CC2D2A: variants seen among roughly 807,000 people sequenced by gnomAD.
The protein encoded by CC2D2A is coiled-coil and C2 domain-containing protein 2A.
Under a neutral mutation model 212.9 loss-of-function variants are expected in CC2D2A, and 155 were observed. The ratio of observed to expected loss-of-function variants is 0.73; its 90% CI spans 0.64 to 0.83. The LOEUF (loss-of-function observed/expected upper bound fraction) is 0.83, where lower values mean the gene tolerates loss of function less well. CC2D2A is among the 40% of genes least tolerant of loss of function. The pLI, the probability that CC2D2A is intolerant of heterozygous loss-of-function variation, is 0.00. For synonymous variants in CC2D2A, 667 were observed against 686.5 expected, an observed-to-expected ratio of 0.97 and a Z score of 0.44; for missense variants, 1,856 against 1,956.2, an observed-to-expected ratio of 0.95 and a Z score of 0.97.
chr4:15,562,946 G>T (rs1468453930), intron 23 of CC2D2A, among the ~76,000 whole-genome samples: 1 of 152,218 alleles, frequency 6.6e-6, no homozygotes, highest in Non-Finnish European at 1.5e-5. Flanking sequence ...GGGGGAGGTG[G>T]ACACTGGCCC....
intron 24 of CC2D2A, among the ~76,000 whole-genome samples, 171 bp from the exon 25 acceptor site, chr4:15,567,206 T>G (rs1719921989): frequency 6.6e-6 from 1 of 151,956 alleles, no homozygotes; most frequent in African/African-American, 2.4e-5. Context: ...TCACCTGAGC[T>G]TGGGAGACAG....
intron 13 of CC2D2A, among the ~76,000 whole-genome samples, chr4:15,530,226 C>T (rs1717774139): frequency 6.6e-6 from 1 of 152,174 alleles, no homozygotes. Flanking sequence ...CCGCCTTGGC[C>T]TCCCAAAGTG....
At position 15,599,709 on chromosome 4, in the gene CC2D2A, A is replaced by T. The variant is rs754534791; in HGVS notation, c.4674+3A>T. On this transcript the variant is annotated splice_donor_region_variant and intron_variant, in intron 36 of 36. Coordinates refer to ENST00000424120, the MANE Select transcript of CC2D2A (RefSeq NM_001378615.1). ...TAAAACAGCTGGGAGACTACAGGGT[A>T]AGTTACAAATGGATCCTAAACTGAC... 2.5e-6 allele frequency: 4 copies of T among 1,598,442 alleles called. No homozygotes were observed. The highest frequency in any genetic ancestry group is 3.4e-6 in the Non-Finnish European group (4 of 1,168,594).
rs73119752 is a variant in CC2D2A, at chr4:15,525,865, T to C, written c.1150-1582T>C. On this transcript the variant is annotated intron_variant, in intron 11 of 36. Transcript: ENST00000424120. ...GTCCTGGAAGCTTTTTATACTTGGTTGGGCTAAGCAAAAAGCAGAGACCAC... is the reference window on the plus strand; with the variant it reads ...GTCCTGGAAGCTTTTTATACTTGGTCGGGCTAAGCAAAAAGCAGAGACCAC... 8.3e-3 allele frequency among the ~76,000 whole-genome samples: 1,269 copies of C among 152,306 alleles called. 8 individuals are homozygous for C. The highest frequency in any genetic ancestry group is 0.027 in the Middle Eastern group (8 of 294).
At chr4:15,584,789 A>G (rs1720792670) in intron 30 of CC2D2A, among the ~76,000 whole-genome samples, 1 of 152,240 alleles carries the variant, frequency 6.6e-6, no homozygotes, top group Admixed American at 6.5e-5. Flanking sequence ...AGGAACTCAA[A>G]CAACTCAATA....
chr4:15,586,319 A>C, intron 31 of CC2D2A, 73 bp downstream of exon 31: 1 of 890,598 alleles, frequency 1.1e-6, no homozygotes, highest in Non-Finnish European at 1.6e-6. Context: ...GACTTGCATA[A>C]TTTTAAATTG....
Position 15,557,339 on chromosome 4 carries a change from C to A in CC2D2A, c.2661C>A (p.Phe887Leu), listed in dbSNP as rs1461261346. 1 of 1,613,386 alleles carries A rather than the reference C, an allele frequency of 6.2e-7. No individual in the cohort carries two copies. The highest frequency in any genetic ancestry group is 2.2e-5 in the East Asian group (1 of 44,850). Residue 887 changes from phenylalanine to leucine, a missense_variant, in exon 21 of 37, where the codon TTC becomes TTA. Phe to Leu is a conservative substitution (Grantham distance 22). Transcript: ENST00000424120. ...ATSGESYVPD[F>L]FRLEQLQQEF... ...GTGGTGAATCCTATGTCCCTGATTT[C>A]TTTAGACTGGAGCAGCTGCAACAGG...
intron 23 of CC2D2A, 115 bp from the exon 24 acceptor site, chr4:15,563,240 C>T: frequency 1.0e-6 from 1 of 970,824 alleles, no homozygotes; most frequent in Non-Finnish European, 1.5e-6. Flanking sequence ...CTTCAAAGGA[C>T]AAGGAGTTTT....
intron 11 of CC2D2A, among the ~76,000 whole-genome samples, chr4:15,522,954 C>T (rs1717296219): frequency 6.9e-6 from 1 of 145,844 alleles, no homozygotes; most frequent in Non-Finnish European, 1.5e-5. Context: ...CCCGTCTCTA[C>T]TAAAAATACA....
chr4:15,492,998 C>T (rs1715395737), intron 4 of CC2D2A: 1 of 420,690 alleles, frequency 2.4e-6, no homozygotes, highest in Admixed American at 3.0e-5. Flanking sequence ...TTTAGGATGA[C>T]CTATGTGGTT....
chr4:15,483,927 G>A (rs550907393), intron 4 of CC2D2A, among the ~76,000 whole-genome samples: 2 of 152,176 alleles, frequency 1.3e-5, no homozygotes, highest in Non-Finnish European at 2.9e-5. Context: ...ACAAGAGTGG[G>A]TACCAGTCTC....
chr4:15,576,025 T>G (rs1720389933), intron 29 of CC2D2A, among the ~76,000 whole-genome samples: 1 of 152,220 alleles, frequency 6.6e-6, no homozygotes, highest in African/African-American at 2.4e-5. Flanking sequence ...CCTCCAGGGC[T>G]CTGAACCACA....
At chr4:15,545,929 C>T (rs1310857026) in intron 17 of CC2D2A, among the ~76,000 whole-genome samples, 2 of 151,908 alleles carry the variant, frequency 1.3e-5, no homozygotes, top group Non-Finnish European at 2.9e-5. Context: ...TGCAACCTAG[C>T]GAGACCCCAT....
chr4:15,471,714 G>A (rs115958795), intron 1 of CC2D2A, among the ~76,000 whole-genome samples: 1 of 151,542 alleles, frequency 6.6e-6, no homozygotes, highest in African/African-American at 2.4e-5. Flanking sequence ...TTGGAACTCA[G>A]GTCCACATAT....
At chr4:15,474,495 T>A (rs1173609474) in intron 1 of CC2D2A, among the ~76,000 whole-genome samples, 1 of 151,176 alleles carries the variant, frequency 6.6e-6, no homozygotes. Flanking sequence ...AAAAAAAAAA[T>A]AGAAAGAATG....
chr4:15,502,854 C>G lies in CC2D2A; in HGVS notation c.369C>G (p.Ile123Met). Reference protein sequence around the residue: ...SKAESALLQEIPTPRPRRLRS... With the variant: ...SKAESALLQEMPTPRPRRLRS... ...CAGAAAGTGCATTGCTGCAGGAAAT[C>G]CCCACTCCTCGGCCCAGACGCTTAC... Residue 123 changes from isoleucine (I) to methionine (M), a missense_variant, in exon 6 of 37, where the codon ATC (isoleucine) becomes ATG (methionine). By Grantham distance (10) the Ile-to-Met change is conservative. Around this residue, in one of 5 missense-constraint regions of CC2D2A, gnomAD observed 1,512 missense variants for 1,579.3 expected, o/e 0.96. Coordinates refer to ENST00000424120, the MANE Select transcript of CC2D2A (RefSeq NM_001378615.1). 1 of 1,611,544 alleles carries G rather than the reference C, an allele frequency of 6.2e-7. No homozygotes were observed. Among genetic ancestry groups the G allele is most frequent in the Non-Finnish European group, 8.5e-7 (1 of 1,178,966 alleles).
intron 4 of CC2D2A, chr4:15,481,166 ATGAG>A (rs1361707774): frequency 6.5e-6 from 3 of 460,066 alleles, no homozygotes; most frequent in African/African-American, 6.0e-5. Context: ...TCCTCTAGTA[ATGAG>A]TGAGTTCTTG....
chr4:15,502,073 A>T (rs16892063), intron 4 of CC2D2A, among the ~76,000 whole-genome samples: 7,912 of 152,262 alleles, frequency 0.052, 601 homozygotes, highest in East Asian at 0.26. Flanking sequence ...CAAACTTGAG[A>T]GCCTTTTCCC....
intron 4 of CC2D2A, among the ~76,000 whole-genome samples, chr4:15,487,677 C>G (rs1174470223): frequency 6.6e-6 from 1 of 151,994 alleles, no homozygotes; most frequent in South Asian, 2.1e-4. Context: ...GAGGGACTTA[C>G]TACTGCCATT....
Sources: allele counts gnomAD v4.1 joint callset (sites outside exome capture counted in the v4.1 genomes callset), GRCh38; gene constraint gnomAD v4.1.1; regional missense constraint gnomAD v4.1.1; transcripts MANE v1.5; gene names NCBI Gene and HGNC (gene_info 2026-07-23, HGNC 2026-07-21).